Variants in USP48 observed in about 807,000 individuals in gnomAD.
USP48 encodes the protein ubiquitin carboxyl-terminal hydrolase 48.
USP48 carries 43 observed loss-of-function variants against 150.7 expected under a neutral mutation model. The ratio of observed to expected loss-of-function variants is 0.29; its 90% CI spans 0.22 to 0.37. The LOEUF is 0.37. Among genes scored for constraint, USP48 ranks in the 10% least tolerant of loss-of-function variants. The probability of loss-of-function intolerance (pLI) is 1.00; values close to 1 mark genes in which losing one functional copy is unlikely to be tolerated. For synonymous variants in USP48, 396 were observed against 425.9 expected (o/e 0.93, Z 0.86); for missense variants, 813 against 1,249.6 (o/e 0.65, Z 5.27).
At chr1:21,761,739 T>G (rs1257641556) in intron 1 of USP48, among the ~76,000 whole-genome samples, 2 of 152,138 alleles carry the variant, frequency 1.3e-5, no homozygotes, top group African/African-American at 4.8e-5. Flanking sequence ...CACTACAGCC[T>G]GGCCAACAAA....
chr1:21,720,937 C>G (rs1206342723), intron 14 of USP48, 99 bp downstream of exon 14: 2 of 1,499,024 alleles, frequency 1.3e-6, no homozygotes, highest in African/African-American at 2.8e-5. Context: ...CTGAGCCTCC[C>G]AAGTAGCTGG....
At chr1:21,747,502 A>G (rs958410429) in intron 7 of USP48, among the ~76,000 whole-genome samples, 3 of 152,236 alleles carry the variant, frequency 2.0e-5, no homozygotes, top group Non-Finnish European at 4.4e-5. Context: ...TGTAATGAGT[A>G]CAAAATTTAT....
chr1:21,680,872 A>G lies in USP48; in HGVS notation c.3059-38T>C, dbSNP rs1038604553. On this transcript the variant is annotated intron_variant, in intron 25 of 26. Transcript: ENST00000308271. ...AAAAAAGAAGAATTCCAAATTGAAA[A>G]GATTGTCGTGACAGACAGTAATATC... The G allele has an allele frequency of 9.2e-6, 14 of 1,528,740 alleles. No individual in the cohort carries two copies. In the Admixed American group the frequency reaches 2.2e-4, roughly 24 times the overall value. The allele number at this position is 1,528,740 out of a possible 1,614,324, so 94.7% of individuals were successfully genotyped here.
chr1:21,701,588 C>A lies in USP48; in HGVS notation c.2637G>T (p.Ser879=), dbSNP rs755415114. 3 of 1,613,658 alleles carry A rather than the reference C, an allele frequency of 1.9e-6. No individual in the cohort carries two copies. The highest frequency in any genetic ancestry group is 2.5e-6 in the Non-Finnish European group (3 of 1,179,744). The change falls in exon 22 of 27, where the codon TCG becomes TCT. Residue 879 remains serine (S), a synonymous_variant. Coordinates refer to ENST00000308271, the MANE Select transcript of USP48 (RefSeq NM_032236.8). ...VVDNKKVMKD[S]APELNVSSSE... Reference sequence around the variant, plus strand: ...AACTACTCACATTCAGTTCCGGAGCCGAATCCTTCATCACCTGAATGTGCC... The same window carrying A: ...AACTACTCACATTCAGTTCCGGAGCAGAATCCTTCATCACCTGAATGTGCC...
intron 15 of USP48, chr1:21,715,087 T>C (rs566432697): frequency 1.9e-4 from 51 of 263,212 alleles, no homozygotes; most frequent in Middle Eastern, 1.3e-3. Flanking sequence ...TAAAAAACCA[T>C]AGATAGCCCT....
chr1:21,723,513 C>CAA (rs35287796), intron 12 of USP48, among the ~76,000 whole-genome samples: 31 of 99,410 alleles, frequency 3.1e-4, no homozygotes, highest in Admixed American at 4.4e-4. Flanking sequence ...GACTCCATCT[C>CAA]AAAAAAAAAA....
At chr1:21,745,886 A>G (rs1458418192) in intron 8 of USP48, among the ~76,000 whole-genome samples, 1 of 152,248 alleles carries the variant, frequency 6.6e-6, no homozygotes, top group Non-Finnish European at 1.5e-5. Flanking sequence ...AGCTAAGTTT[A>G]TTTATTCAAC....
rs761553987 is a variant in USP48, at chr1:21,756,620, A to T, written c.338T>A (p.Leu113His). Residue 113 changes from leucine to histidine, a missense_variant, in exon 3 of 27, where the codon CTT becomes CAT. Leu to His is a moderately conservative substitution (Grantham distance 99). Transcript: ENST00000308271. ...TGGACATAAGTAGAGTGCCTGCCGAAGCTCCAAGTTGAGAAACCACACTTG... is the reference window on the plus strand; with the variant it reads ...TGGACATAAGTAGAGTGCCTGCCGATGCTCCAAGTTGAGAAACCACACTTG... ...FLQVWFLNLE[L>H]RQALYLCPST... 1 of 1,610,756 alleles carries T rather than the reference A, an allele frequency of 6.2e-7. No homozygotes were observed. The highest frequency in any genetic ancestry group is 1.3e-5 in the African/African-American group (1 of 74,528).
At chr1:21,776,895 C>T (rs866086891) in intron 1 of USP48, among the ~76,000 whole-genome samples, 2 of 151,406 alleles carry the variant, frequency 1.3e-5, no homozygotes, top group Non-Finnish European at 2.9e-5. Flanking sequence ...TGCAGTGAGC[C>T]GAGTTTGTGC....
At chr1:21,770,161 C>CA (rs34388606) in intron 1 of USP48, among the ~76,000 whole-genome samples, 45,322 of 136,864 alleles carry the variant, frequency 0.33, 7,742 homozygotes, top group South Asian at 0.43. Context: ...CGTCCTCCAC[C>CA]AAAAAAAAAA....
At chr1:21,739,413 G>A (rs1233849191) in intron 8 of USP48, among the ~76,000 whole-genome samples, 1 of 148,120 alleles carries the variant, frequency 6.8e-6, no homozygotes, top group Non-Finnish European at 1.5e-5. Flanking sequence ...CAGCTACTCA[G>A]GAAGCTGAGG....
chr1:21,695,991 T>C (rs928716199), intron 22 of USP48, among the ~76,000 whole-genome samples: 1 of 152,192 alleles, frequency 6.6e-6, no homozygotes, highest in Non-Finnish European at 1.5e-5. Context: ...TATACTGGAA[T>C]GTAATCAAAC....
rs780205032 is a variant in USP48 at position 21,748,289 on chromosome 1, A to G, written c.775-18T>C. On this transcript the variant is annotated intron_variant, in intron 6 of 26. Transcript: ENST00000308271. ...TTTTCTTCCTGATCAAGAATAAGAC[A>G]TATTAATTTTAAAAAGAAGATGGGT... The G allele has an allele frequency of 8.2e-6, 13 of 1,590,912 alleles. No homozygotes were observed. The highest frequency in any genetic ancestry group is 1.1e-5 in the South Asian group (1 of 87,550).
intron 6 of USP48, among the ~76,000 whole-genome samples, chr1:21,750,079 C>T (rs1488567063): frequency 3.3e-5 from 5 of 152,180 alleles, no homozygotes; most frequent in East Asian, 1.9e-4. Flanking sequence ...ACCACTCCTA[C>T]GCATATGACC....
rs1491572131 is a variant in USP48 at position 21,744,801 on chromosome 1, AAT to A, written c.991+2264_991+2265del. ...CTAAAAAAAAAAAAAAAAAAAAAAA[AAT>A]GCTAAGCTTTTAAGTCCCCAAGGAA... is the stretch of plus-strand genomic sequence containing the variant. On this transcript the variant is annotated intron_variant, in intron 8 of 26. Coordinates refer to ENST00000308271, the MANE Select transcript of USP48 (RefSeq NM_032236.8). Among the ~76,000 whole-genome samples the A allele has an allele frequency of 1.1e-4, 17 of 151,394 alleles. 1 individual carries two copies. Among genetic ancestry groups the A allele is most frequent in the African/African-American group, 3.9e-4 (16 of 41,344 alleles).
intron 24 of USP48, among the ~76,000 whole-genome samples, chr1:21,687,464 A>C (rs2097583042): frequency 6.6e-6 from 1 of 152,214 alleles, no homozygotes; most frequent in African/African-American, 2.4e-5. Context: ...GTGTGTGTGA[A>C]GAGGAAAGGC....
intron 23 of USP48, among the ~76,000 whole-genome samples, chr1:21,692,576 G>A (rs769507796): frequency 1.3e-5 from 2 of 152,170 alleles, no homozygotes; most frequent in Non-Finnish European, 2.9e-5. Context: ...TTCTGAGAAC[G>A]GACAAGGGCA....
intron 15 of USP48, among the ~76,000 whole-genome samples, chr1:21,712,906 G>A (rs183875502): frequency 2.0e-4 from 31 of 152,174 alleles, no homozygotes; most frequent in African/African-American, 6.7e-4. Context: ...GGGATTACAG[G>A]CGTGAGCCAC....
intron 1 of USP48, among the ~76,000 whole-genome samples, chr1:21,773,254 C>CAAAAAAAAAAAAAAAAAAAAGAAAAAA (rs2097887439): frequency 1.5e-5 from 1 of 66,170 alleles, no homozygotes. Flanking sequence ...GACTCGGTCT[C>CAAAAAAAAAAAAAAAAAAAAGAAAAAA]AAAAAAAAAA....
Sources: gnomAD v4.1 joint callset for allele counts (sites outside exome capture counted in the v4.1 genomes callset) on GRCh38, gnomAD v4.1.1 for gene constraint, MANE v1.5 for transcripts, NCBI Gene and HGNC (gene_info 2026-07-23, HGNC 2026-07-21) for gene names.